LRMDA: variants seen among roughly 807,000 people sequenced by gnomAD.
LRMDA encodes the protein leucine rich melanocyte differentiation associated.
Under a neutral mutation model 29.8 loss-of-function variants are expected in LRMDA, and 18 were observed. The ratio of observed to expected loss-of-function variants is 0.60; its 90% CI spans 0.42 to 0.90. LRMDA has a LOEUF of 0.90. LRMDA is among the 40% of genes least tolerant of loss of function. The pLI, the probability that LRMDA is intolerant of heterozygous loss-of-function variation, is 0.00. For synonymous variants in LRMDA, 125 were observed against 109.4 expected, an observed-to-expected ratio of 1.14 and a Z score of -0.89; for missense variants, 273 against 273.9, an observed-to-expected ratio of 1.00 and a Z score of 0.02.
intron 5 of LRMDA, among the ~76,000 whole-genome samples, chr10:76,266,636 G>A (rs180728186): frequency 6.6e-6 from 1 of 152,244 alleles, no homozygotes; most frequent in East Asian, 1.9e-4. Context: ...TTCAGCTTAG[G>A]TCTGTCTACT....
intron 2 of LRMDA, among the ~76,000 whole-genome samples, chr10:75,747,666 CA>C (rs1172914840): frequency 1.3e-5 from 2 of 152,058 alleles, no homozygotes; most frequent in African/African-American, 4.8e-5. Context: ...TGTAAATGAT[CA>C]GATATTTTAG....
intron 2 of LRMDA, among the ~76,000 whole-genome samples, chr10:75,854,724 C>T (rs7085218): frequency 6.6e-6 from 1 of 151,916 alleles, no homozygotes; most frequent in Non-Finnish European, 1.5e-5. Flanking sequence ...CCCACTCCCC[C>T]CACCCCACAA....
intron 2 of LRMDA, among the ~76,000 whole-genome samples, chr10:75,507,846 T>A (rs1845186165): frequency 6.6e-6 from 1 of 152,172 alleles, no homozygotes; most frequent in Admixed American, 6.5e-5. Context: ...CACAGAAGGT[T>A]CCCTTTAATT....
intron 1 of LRMDA, among the ~76,000 whole-genome samples, chr10:75,432,190 T>G (rs774177458): frequency 1.1e-4 from 16 of 152,246 alleles, no homozygotes; most frequent in Non-Finnish European, 2.1e-4. Context: ...ATATACAAAT[T>G]TACTTATTTG....
chr10:75,778,558 G>C (rs1196484992), intron 2 of LRMDA, among the ~76,000 whole-genome samples: 2 of 152,116 alleles, frequency 1.3e-5, no homozygotes, highest in Admixed American at 6.5e-5. Context: ...AATGAGGATG[G>C]GGGAGGCACC....
At chr10:76,017,823 A>G (rs2132487374) in intron 2 of LRMDA, among the ~76,000 whole-genome samples, 1 of 152,284 alleles carries the variant, frequency 6.6e-6, no homozygotes, top group South Asian at 2.1e-4. Context: ...ATGTGCAAAC[A>G]CATCTGTGAA....
chr10:75,501,791 G>A (rs968265475), intron 2 of LRMDA, among the ~76,000 whole-genome samples: 15 of 152,168 alleles, frequency 9.9e-5, no homozygotes, highest in Non-Finnish European at 1.9e-4. Flanking sequence ...CCAGGTCTTA[G>A]TGACTTAACG....
intron 2 of LRMDA, among the ~76,000 whole-genome samples, chr10:75,994,879 C>T (rs2132463010): frequency 6.6e-6 from 1 of 152,314 alleles, no homozygotes; most frequent in East Asian, 1.9e-4. Context: ...ACCCATAATT[C>T]TTCCTGCCAC....
intron 2 of LRMDA, among the ~76,000 whole-genome samples, chr10:75,670,567 T>C (rs1006765418): frequency 6.6e-6 from 1 of 152,164 alleles, no homozygotes; most frequent in Non-Finnish European, 1.5e-5. Flanking sequence ...CCAGTCCTCC[T>C]TCCCATCCTG....
chr10:75,461,725 C>T (rs1844587966), intron 2 of LRMDA, among the ~76,000 whole-genome samples: 1 of 152,208 alleles, frequency 6.6e-6, no homozygotes, highest in African/African-American at 2.4e-5. Flanking sequence ...GGTCCAAACA[C>T]AGGAAAACTT....
rs1842880115 is a variant in LRMDA at position 76,496,487 on chromosome 10, A to G, written c.602-60722A>G. Among the ~76,000 whole-genome samples, 2 of 74,884 alleles carry G rather than the reference A, an allele frequency of 2.7e-5. 1 individual carries two copies. Among genetic ancestry groups the G allele is most frequent in the Non-Finnish European group, 8.9e-5 (2 of 22,518 alleles). 49.1% of individuals were successfully genotyped at this position (74,884 alleles called of 152,430 possible). A position where few individuals can be genotyped will look rare whatever the true frequency, so the allele number is the denominator to read the frequency against. On this transcript the variant is annotated intron_variant, in intron 6 of 6. Coordinates refer to ENST00000611255, the MANE Select transcript of LRMDA (RefSeq NM_001305581.2). Reference sequence around the variant, plus strand: ...ACTGTCCTACGTTGCTCTATATCCAATGTCTTTCGTATATTTTGTTCAGTA... The same window carrying G: ...ACTGTCCTACGTTGCTCTATATCCAGTGTCTTTCGTATATTTTGTTCAGTA...
intron 6 of LRMDA, among the ~76,000 whole-genome samples, chr10:76,457,949 A>T (rs2132305539): frequency 6.6e-6 from 1 of 152,262 alleles, no homozygotes; most frequent in South Asian, 2.1e-4. Context: ...TTCTAGACTT[A>T]ATATGCCAGG....
intron 5 of LRMDA, among the ~76,000 whole-genome samples, chr10:76,266,082 A>G (rs1369304817): frequency 6.6e-6 from 1 of 152,156 alleles, no homozygotes; most frequent in Admixed American, 6.5e-5. Context: ...TTAAGCCTTG[A>G]TTAACTGATC....
chr10:76,093,806 C>G (rs947772386), intron 5 of LRMDA, among the ~76,000 whole-genome samples: 1 of 152,280 alleles, frequency 6.6e-6, no homozygotes. Flanking sequence ...TGAGGTCTCA[C>G]GTTCCCCCAC....
chr10:75,452,967 G>T (rs750360235), intron 2 of LRMDA, among the ~76,000 whole-genome samples: 1 of 152,120 alleles, frequency 6.6e-6, no homozygotes. Flanking sequence ...TGGTCTTTCC[G>T]ATGGAGTCTC....
chr10:75,849,904 G>T (rs1844703630), intron 2 of LRMDA, among the ~76,000 whole-genome samples: 1 of 152,348 alleles, frequency 6.6e-6, no homozygotes, highest in African/African-American at 2.4e-5. Flanking sequence ...TGGGTCTGTA[G>T]CCAAAGCTGA....
intron 5 of LRMDA, among the ~76,000 whole-genome samples, chr10:76,323,302 A>G (rs1251326454): frequency 6.6e-6 from 1 of 152,124 alleles, no homozygotes; most frequent in Admixed American, 6.5e-5. Context: ...CTAATCTCCT[A>G]CTTAGTTTTG....
intron 6 of LRMDA, among the ~76,000 whole-genome samples, chr10:76,359,060 G>A (rs1006435170): frequency 2.6e-5 from 4 of 151,974 alleles, no homozygotes; most frequent in Non-Finnish European, 4.4e-5. Context: ...CCATCCACTA[G>A]GGCTCCTGTG....
intron 6 of LRMDA, among the ~76,000 whole-genome samples, chr10:76,327,050 T>G (rs1165595659): frequency 6.6e-6 from 1 of 151,572 alleles, no homozygotes; most frequent in Non-Finnish European, 1.5e-5. Context: ...AAACTCCTCA[T>G]AAATGAAAAC....
Sources: allele counts gnomAD v4.1 joint callset (sites outside exome capture counted in the v4.1 genomes callset), GRCh38; gene constraint gnomAD v4.1.1; transcripts MANE v1.5; gene names NCBI Gene and HGNC (gene_info 2026-07-23, HGNC 2026-07-21).